Variants in WDR27 observed in about 807,000 individuals in gnomAD.
WDR27 encodes the protein WD repeat domain 27, also known as WD repeat-containing protein 27.
In WDR27, 100 loss-of-function variants were observed where a neutral mutation model predicts 114.4. That is an observed-to-expected ratio of 0.87 (90% CI 0.74 to 1.03). WDR27 has a LOEUF of 1.03. WDR27 is among the 50% of genes least tolerant of loss of function. The pLI is 0.00. For synonymous variants in WDR27, 449 were observed against 423.1 expected (o/e 1.06, Z -0.75); for missense variants, 1,129 against 1,092.9 (o/e 1.03, Z -0.47).
intron 6 of WDR27, chr6:169,666,313 T>C: frequency 3.3e-6 from 3 of 900,398 alleles, no homozygotes; most frequent in Non-Finnish European, 2.7e-6. Context: ...ATGGATACAT[T>C]AACCTCAGAA....
chr6:169,652,131 A>G (rs896299794), intron 13 of WDR27, 123 bp from the exon 14 acceptor site: 29 of 837,380 alleles, frequency 3.5e-5, no homozygotes, highest in Non-Finnish European at 4.8e-5. Context: ...ATTCCTGACC[A>G]TAAATTTAAG....
the WDR27 span, among the ~76,000 whole-genome samples, chr6:169,429,564 CTCTT>C: frequency 5.3e-5 from 8 of 151,966 alleles, no homozygotes; most frequent in African/African-American, 1.7e-4. Context: ...CATTACTGGA[CTCTT>C]TCTATTTTCT....
At chr6:169,666,443 T>C in intron 6 of WDR27, 1 of 985,470 alleles carries the variant, frequency 1.0e-6, no homozygotes, top group Non-Finnish European at 1.2e-6. Context: ...CTCCTTTTAA[T>C]TCCCTAACTC....
rs138014379 is a variant in WDR27 at position 169,618,124 on chromosome 6, T to C, written c.2224-4468A>G. Among the ~76,000 whole-genome samples, 585 of 152,288 alleles carry C rather than the reference T, an allele frequency of 3.8e-3. 2 individuals carry two copies. Among genetic ancestry groups the C allele is most frequent in the African/African-American group, 0.013 (547 of 41,560 alleles). Reference sequence around the variant, plus strand: ...GGTTTTCTCTGCATCAATAATCATTTCATTTCCTTTTTAAAAATACAGCAA... The same window carrying C: ...GGTTTTCTCTGCATCAATAATCATTCCATTTCCTTTTTAAAAATACAGCAA... On this transcript the variant is annotated intron_variant, in intron 21 of 25. Coordinates refer to ENST00000448612, the MANE Select transcript of WDR27 (RefSeq NM_182552.5).
At chr6:169,485,542 G>A (rs1158870171) in intron 25 of WDR27, among the ~76,000 whole-genome samples, 2 of 152,144 alleles carry the variant, frequency 1.3e-5, no homozygotes, top group African/African-American at 2.4e-5. Flanking sequence ...AAAAGGGAAC[G>A]CTTATACACT....
the WDR27 span, among the ~76,000 whole-genome samples, chr6:169,451,633 A>G: frequency 6.6e-6 from 1 of 152,158 alleles, no homozygotes; most frequent in Admixed American, 6.5e-5. Context: ...ACCGTTTTAC[A>G]CTCTGTCAGC....
chr6:169,474,492 T>C (rs891821261), intron 25 of WDR27, among the ~76,000 whole-genome samples: 1 of 152,210 alleles, frequency 6.6e-6, no homozygotes, highest in African/African-American at 2.4e-5. Context: ...AAGTCATTGA[T>C]GATAAACATT....
chr6:169,556,518 T>C (rs1311322224), intron 25 of WDR27, among the ~76,000 whole-genome samples: 1 of 152,146 alleles, frequency 6.6e-6, no homozygotes, highest in East Asian at 1.9e-4. Flanking sequence ...ACCACAAACA[T>C]CCTAGAAGGA....
chr6:169,507,093 TC>T (rs1792096576), intron 25 of WDR27, among the ~76,000 whole-genome samples: 1 of 152,208 alleles, frequency 6.6e-6, no homozygotes, highest in South Asian at 2.1e-4. Context: ...ATATTTTGAG[TC>T]CTAAAAAACA....
chr6:169,569,120 A>G (rs1800958609), intron 25 of WDR27, among the ~76,000 whole-genome samples: 1 of 152,196 alleles, frequency 6.6e-6, no homozygotes, highest in Admixed American at 6.5e-5. Flanking sequence ...CAAACAGCCA[A>G]CACACAACCG....
chr6:169,642,657 G>A (rs751395533), intron 17 of WDR27, among the ~76,000 whole-genome samples: 10 of 152,156 alleles, frequency 6.6e-5, no homozygotes, highest in Non-Finnish European at 1.2e-4. Flanking sequence ...GGCTCTGCCT[G>A]CCCTTGGGGG....
At chr6:169,452,102 G>A in the WDR27 span, among the ~76,000 whole-genome samples, 23 of 152,288 alleles carry the variant, frequency 1.5e-4, no homozygotes, top group Non-Finnish European at 3.2e-4. Flanking sequence ...AAACTGCATG[G>A]ATTTGTTCCA....
At chr6:169,624,459 C>T (rs546962941) in intron 21 of WDR27, among the ~76,000 whole-genome samples, 104 of 152,252 alleles carry the variant, frequency 6.8e-4, no homozygotes, top group South Asian at 5.6e-3. Context: ...GTGAATGAAA[C>T]GCTCGTGTCC....
intron 24 of WDR27, among the ~76,000 whole-genome samples, chr6:169,575,406 A>G (rs1008395720): frequency 1.1e-5 from 1 of 90,240 alleles, no homozygotes; most frequent in East Asian, 4.9e-4. Flanking sequence ...CCATCCATCC[A>G]TCCATCCATC....
intron 25 of WDR27, among the ~76,000 whole-genome samples, chr6:169,522,735 A>G (rs1007643957): frequency 5.3e-5 from 8 of 152,068 alleles, no homozygotes; most frequent in African/African-American, 1.9e-4. Context: ...TCAATGAATA[A>G]ATTAAGAAGA....
chr6:169,603,789 C>A (rs947987083), intron 22 of WDR27, among the ~76,000 whole-genome samples: 2 of 152,228 alleles, frequency 1.3e-5, no homozygotes, highest in African/African-American at 2.4e-5. Flanking sequence ...TTTCCCCATT[C>A]ATGAAATGGG....
At chr6:169,589,451 G>T (rs1470652465) in intron 23 of WDR27, among the ~76,000 whole-genome samples, 1 of 152,206 alleles carries the variant, frequency 6.6e-6, no homozygotes, top group Non-Finnish European at 1.5e-5. Flanking sequence ...CCTGAGATCA[G>T]CTGGCTCCCA....
Position 169,662,198 on chromosome 6 carries a change from A to G in WDR27, c.1025+106T>C, listed in dbSNP as rs1015865263. 4 of 1,290,812 alleles carry G rather than the reference A, an allele frequency of 3.1e-6. No individual in the cohort carries two copies. The Admixed American group carries it at 8.3e-5, about 27-fold the overall frequency. 80.0% of individuals were successfully genotyped at this position (1,290,812 alleles called of 1,614,324 possible). On this transcript the variant is annotated intron_variant, in intron 9 of 25. Coordinates refer to ENST00000448612, the MANE Select transcript of WDR27 (RefSeq NM_182552.5). The stretch of plus-strand genomic sequence containing the variant: ...AAGTTACTAATAATCAGAGACCAAA[A>G]TAATTTGGTTTTATCTCAGTCATTC...
intron 21 of WDR27, among the ~76,000 whole-genome samples, chr6:169,617,840 G>A (rs1180964036): frequency 2.6e-5 from 4 of 152,176 alleles, no homozygotes; most frequent in African/African-American, 4.8e-5. Context: ...GCCAGTATTC[G>A]CGTTTACAAG....
Sources: allele counts gnomAD v4.1 joint callset (sites outside exome capture counted in the v4.1 genomes callset), GRCh38; gene constraint gnomAD v4.1.1; transcripts MANE v1.5; gene names NCBI Gene and HGNC (gene_info 2026-07-23, HGNC 2026-07-21).